The following SLC5A9 variants were observed in gnomAD, a reference collection of about 807,000 sequenced individuals.
SLC5A9 encodes sodium/glucose cotransporter 4.
In SLC5A9, 59 loss-of-function variants were observed where a neutral mutation model predicts 70.9. The ratio of observed to expected loss-of-function variants is 0.83; its 90% confidence interval spans 0.68 to 1.03. SLC5A9 has a LOEUF of 1.03. Ranked by LOEUF, SLC5A9 falls within the 50% of genes least tolerant of loss-of-function variation. SLC5A9 has a pLI of 0.00. For synonymous variants in SLC5A9, 340 were observed against 346.5 expected (o/e 0.98, Z 0.21); for missense variants, 832 against 881.1 (o/e 0.94, Z 0.71).
chr1:48,229,410 T>C lies in SLC5A9; in HGVS notation c.455T>C (p.Val152Ala), dbSNP rs746124330. Residue 152 changes from valine (V) to alanine (A), a missense_variant, in exon 4 of 14, where the codon GTG (valine) becomes GCG (alanine). Coordinates refer to ENST00000438567, the MANE Select transcript of SLC5A9 (RefSeq NM_001011547.3). ...KKRFGGQRIQ[V>A]YMSVLSLILY... ...CGATTTGGGGGCCAGAGGATCCAGG[T>C]GTACATGTCTGTCCTGTCTCTCATC... The C allele has an allele frequency of 1.2e-5, 20 of 1,614,162 alleles. No individual in the cohort carries two copies. The highest frequency in any genetic ancestry group is 1.7e-5 in the Non-Finnish European group (20 of 1,180,034).
intron 2 of SLC5A9, among the ~76,000 whole-genome samples, chr1:48,227,036 T>C (rs956740606): frequency 6.6e-6 from 1 of 151,326 alleles, no homozygotes. Context: ...ATGAGTGTGC[T>C]TGTGTGTGTG....
rs779102010 is a variant in SLC5A9, at chr1:48,247,472, A to T, written c.1975A>T (p.Arg659Ter). The T allele has an allele frequency of 6.2e-7, 1 of 1,614,166 alleles. No individual in the cohort carries two copies. Among genetic ancestry groups the T allele is most frequent in the South Asian group, 1.1e-5 (1 of 91,076 alleles). Residue 659 changes from arginine (R) to a stop codon, truncating the protein, a stop_gained, in exon 14 of 14, where the codon AGA (arginine) becomes TGA (stop). Coordinates refer to ENST00000438567, the MANE Select transcript of SLC5A9 (RefSeq NM_001011547.3). LOFTEE classifies it high-confidence loss of function. ...AAGCATTGAGGAGGAGCCACTCTGG[A>T]GACATGTCTGCAACATCAATGCTGT... Reference protein sequence around the residue: ...LTSIEEEPLWRHVCNINAVLL... With the variant: ...LTSIEEEPLW
At chr1:48,246,340 A>T (rs1256032502) in intron 13 of SLC5A9, among the ~76,000 whole-genome samples, 1 of 152,188 alleles carries the variant, frequency 6.6e-6, no homozygotes, top group Non-Finnish European at 1.5e-5. Context: ...CTGTGCAATC[A>T]GGGAGCCAGA....
At chr1:48,234,310 C>T (rs1371803434) in intron 9 of SLC5A9, among the ~76,000 whole-genome samples, 1 of 152,198 alleles carries the variant, frequency 6.6e-6, no homozygotes, top group Non-Finnish European at 1.5e-5. Context: ...AGGAAGACAA[C>T]CTTCCTGGTG....
intron 9 of SLC5A9, 51 bp from the exon 10 acceptor site, chr1:48,235,678 A>T: frequency 3.1e-6 from 5 of 1,609,890 alleles, no homozygotes; most frequent in Non-Finnish European, 4.2e-6. Context: ...TAGTCCTGGA[A>T]GAGCCGGCCT....
chr1:48,232,593 C>A, intron 8 of SLC5A9, 91 bp downstream of exon 8: 1 of 1,536,980 alleles, frequency 6.5e-7, no homozygotes, highest in South Asian at 1.2e-5. Context: ...CAATGTTAGG[C>A]CAGAGCAGGG....
chr1:48,242,421 C>T, intron 12 of SLC5A9, 36 bp from the exon 13 acceptor site: 1 of 1,552,702 alleles, frequency 6.4e-7, no homozygotes, highest in Non-Finnish European at 8.7e-7. Flanking sequence ...GACTTCTCTC[C>T]AAGGCAACTG....
At chr1:48,240,204 T>G (rs944741741) in intron 12 of SLC5A9, among the ~76,000 whole-genome samples, 6 of 152,198 alleles carry the variant, frequency 3.9e-5, no homozygotes, top group African/African-American at 1.4e-4. Flanking sequence ...TCTGCAGCAT[T>G]GGTTTCTTCC....
At chr1:48,237,449 C>T (rs527996197) in intron 10 of SLC5A9, among the ~76,000 whole-genome samples, 5 of 152,184 alleles carry the variant, frequency 3.3e-5, no homozygotes, top group African/African-American at 4.8e-5. Context: ...ATAAGTGCCA[C>T]GGAGGCATTA....
At chr1:48,242,384 A>G in intron 12 of SLC5A9, 73 bp from the exon 13 acceptor site, 1 of 1,501,264 alleles carries the variant, frequency 6.7e-7, no homozygotes, top group East Asian at 2.3e-5. Context: ...GGCCTTCCAT[A>G]AATGGGCCTC....
intron 9 of SLC5A9, among the ~76,000 whole-genome samples, chr1:48,234,524 A>G (rs1644300692): frequency 6.6e-6 from 1 of 152,092 alleles, no homozygotes; most frequent in Non-Finnish European, 1.5e-5. Flanking sequence ...CAGTGGCATC[A>G]GAGATGGAGA....
chr1:48,227,196 CTGTG>C (rs34445433), intron 2 of SLC5A9, among the ~76,000 whole-genome samples: 5 of 141,506 alleles, frequency 3.5e-5, no homozygotes, highest in African/African-American at 1.1e-4. Flanking sequence ...TGTACTGTGC[CTGTG>C]TGTGAGTGCA....
chr1:48,233,754 T>C lies in SLC5A9; in HGVS notation c.1133T>C (p.Met378Thr). ...TACCCTAAGTTGGTCATGGCCCTCA[T>C]GCCTGTTGGTGAGTCTCTTCTCCCC... ...IAYPKLVMAL[M>T]PVGLRGLMIA... Residue 378 changes from methionine to threonine, a missense_variant, in exon 9 of 14, where the codon ATG becomes ACG. Coordinates refer to ENST00000438567, the MANE Select transcript of SLC5A9 (RefSeq NM_001011547.3). 1 of 1,612,352 alleles carries C rather than the reference T, an allele frequency of 6.2e-7. No individual in the cohort carries two copies. The highest frequency in any genetic ancestry group is 1.1e-5 in the South Asian group (1 of 90,878).
At chr1:48,244,345 C>T (rs1009153798) in intron 13 of SLC5A9, among the ~76,000 whole-genome samples, 3 of 152,178 alleles carry the variant, frequency 2.0e-5, no homozygotes, top group Non-Finnish European at 4.4e-5. Context: ...GTTCTCGTGA[C>T]TTTGCCAGGT....
chr1:48,247,832 C>A lies in SLC5A9; in HGVS notation c.*289C>A. On this transcript the variant is annotated 3_prime_UTR_variant, in exon 14 of 14. Transcript: ENST00000438567. ...ACCTACCTCAAACACACTGTTTCCA[C>A]CCTCTTCTTGAATGTATTCAGTAGC... The A allele has an allele frequency of 2.2e-6, 1 of 452,454 alleles. No homozygotes were observed. Among genetic ancestry groups the A allele is most frequent in the Non-Finnish European group, 4.0e-6 (1 of 248,340 alleles). 28.0% of individuals were successfully genotyped at this position (452,454 alleles called of 1,614,324 possible).
Position 48,237,963 on chromosome 1 carries a change from C to G in SLC5A9, c.1461+116C>G, listed in dbSNP as rs1049395957. 5.6e-6 allele frequency: 6 copies of G among 1,075,838 alleles called. No homozygotes were observed. The African/African-American group carries it at 9.5e-5, about 17-fold the overall frequency. The allele number at this position is 1,075,838 out of a possible 1,614,324, so 66.6% of individuals were successfully genotyped here. On this transcript the variant is annotated intron_variant, in intron 11 of 13. Coordinates refer to ENST00000438567, the MANE Select transcript of SLC5A9 (RefSeq NM_001011547.3). ...CACTTCCCCTCTAGGCTTCCATTTT[C>G]CTGACCACAGCATCCAGCCTAGATT...
At chr1:48,228,711 T>A (rs1399222883) in intron 2 of SLC5A9, 139 bp from the exon 3 acceptor site, 3 of 1,369,606 alleles carry the variant, frequency 2.2e-6, no homozygotes, top group Non-Finnish European at 2.9e-6. Context: ...ATCTGTGGAA[T>A]TAAATGTATT....
chr1:48,224,939 C>T, intron 2 of SLC5A9, 144 bp downstream of exon 2: 1 of 822,344 alleles, frequency 1.2e-6, no homozygotes, highest in Middle Eastern at 2.3e-4. Flanking sequence ...GGCCCCTTCT[C>T]TCCCGCCCAA....
intron 2 of SLC5A9, 54 bp from the exon 3 acceptor site, chr1:48,228,796 G>T: frequency 6.2e-7 from 1 of 1,602,026 alleles, no homozygotes. Context: ...CCTCGCTCCA[G>T]ATTCATTCAG....
Sources: allele counts gnomAD v4.1 joint callset (sites outside exome capture counted in the v4.1 genomes callset), GRCh38; gene constraint gnomAD v4.1.1; transcripts MANE v1.5; gene names NCBI Gene and HGNC (gene_info 2026-07-23, HGNC 2026-07-21).